TYW1B: variants seen among roughly 807,000 people sequenced by gnomAD.
TYW1B encodes the protein S-adenosyl-L-methionine-dependent tRNA 4-demethylwyosine synthase TYW1B.
In TYW1B, 73 loss-of-function variants were observed where a neutral mutation model predicts 86.9. The ratio of observed to expected loss-of-function variants is 0.84; its 90% confidence interval spans 0.70 to 1.02. TYW1B has a LOEUF of 1.02. TYW1B is among the 50% of genes least tolerant of loss of function. The probability of loss-of-function intolerance (pLI) is 0.00; values close to 1 mark genes in which losing one functional copy is unlikely to be tolerated. For synonymous variants in TYW1B, 248 were observed against 292.8 expected, an observed-to-expected ratio of 0.85 and a Z score of 1.56; for missense variants, 637 against 827.4, an observed-to-expected ratio of 0.77 and a Z score of 2.82.
chr7:72,700,999 G>C (rs1463842135), intron 10 of TYW1B, among the ~76,000 whole-genome samples: 4 of 152,008 alleles, frequency 2.6e-5, no homozygotes, highest in African/African-American at 9.7e-5. Flanking sequence ...GGGAGGCGGA[G>C]GTTGCAGTGA....
chr7:72,639,103 ACT>A (rs575088390), intron 11 of TYW1B, among the ~76,000 whole-genome samples: 34 of 152,268 alleles, frequency 2.2e-4, no homozygotes, highest in African/African-American at 7.7e-4. Context: ...TTTAGATATT[ACT>A]CTGAGAAAAA....
chr7:72,728,262 T>C (rs1411663950), intron 9 of TYW1B, among the ~76,000 whole-genome samples: 1 of 152,220 alleles, frequency 6.6e-6, no homozygotes, highest in Non-Finnish European at 1.5e-5. Context: ...CCCAGGTAAA[T>C]CTTTCAAGTT....
At chr7:72,779,823 T>G (rs1386332281) in intron 6 of TYW1B, among the ~76,000 whole-genome samples, 1 of 141,060 alleles carries the variant, frequency 7.1e-6, no homozygotes, top group African/African-American at 2.6e-5. Flanking sequence ...AGGACATCAG[T>G]GAAAAAAGTA....
chr7:72,651,094 A>G (rs1234033974), intron 11 of TYW1B, among the ~76,000 whole-genome samples: 1 of 152,234 alleles, frequency 6.6e-6, no homozygotes, highest in Non-Finnish European at 1.5e-5. Context: ...AAGGCTTACT[A>G]TAAAGCTATG....
chr7:72,658,202 G>C (rs1462458567), intron 11 of TYW1B, among the ~76,000 whole-genome samples: 5 of 151,910 alleles, frequency 3.3e-5, no homozygotes, highest in Non-Finnish European at 7.4e-5. Context: ...AGTAAGCTGA[G>C]ATCGCGCCAC....
chr7:72,674,033 C>T (rs1187241392), intron 11 of TYW1B, among the ~76,000 whole-genome samples: 1 of 152,162 alleles, frequency 6.6e-6, no homozygotes, highest in East Asian at 1.9e-4. Context: ...GTTCAATACC[C>T]ACCATTCCCT....
intron 11 of TYW1B, among the ~76,000 whole-genome samples, chr7:72,642,939 C>T (rs782079873): frequency 2.0e-4 from 31 of 152,082 alleles, no homozygotes; most frequent in Non-Finnish European, 2.6e-4. Context: ...CTATAACACG[C>T]GCTAACTTGG....
chr7:72,769,369 A>G (rs1787828450), intron 7 of TYW1B, among the ~76,000 whole-genome samples: 1 of 152,228 alleles, frequency 6.6e-6, no homozygotes, highest in Admixed American at 6.5e-5. Context: ...GTGAAAATGT[A>G]TATTTAACAC....
intron 10 of TYW1B, among the ~76,000 whole-genome samples, chr7:72,697,483 C>T (rs1563062814): frequency 6.6e-6 from 1 of 152,160 alleles, no homozygotes; most frequent in Non-Finnish European, 1.5e-5. Flanking sequence ...AGCAAAGAGA[C>T]TTTTGGAGAT....
chr7:72,763,282 C>CTTT (rs1328471948), intron 7 of TYW1B, among the ~76,000 whole-genome samples: 4 of 118,388 alleles, frequency 3.4e-5, no homozygotes, highest in Non-Finnish European at 4.9e-5. Flanking sequence ...CTTTTCTTTT[C>CTTT]TTTTTTTTTT....
chr7:72,786,205 G>C (rs1468274489), intron 6 of TYW1B, among the ~76,000 whole-genome samples: 4 of 152,060 alleles, frequency 2.6e-5, no homozygotes, highest in Non-Finnish European at 4.4e-5. Flanking sequence ...ATATCCCCTA[G>C]AAATTGAAAA....
intron 13 of TYW1B, among the ~76,000 whole-genome samples, chr7:72,606,323 A>G (rs535297125): frequency 5.9e-5 from 9 of 152,260 alleles, no homozygotes; most frequent in East Asian, 1.9e-4. Context: ...CCTCATTCCC[A>G]TCCGGTCAGC....
intron 13 of TYW1B, among the ~76,000 whole-genome samples, chr7:72,612,896 C>T (rs1811971298): frequency 6.6e-6 from 1 of 151,880 alleles, no homozygotes; most frequent in Non-Finnish European, 1.5e-5. Flanking sequence ...ACTACAGGTT[C>T]GTGCCATCAC....
At chr7:72,582,341 C>T (rs1811175294) in intron 13 of TYW1B, among the ~76,000 whole-genome samples, 1 of 152,074 alleles carries the variant, frequency 6.6e-6, no homozygotes, top group Non-Finnish European at 1.5e-5. Flanking sequence ...ATGAGAAAAA[C>T]ATGGTCATAC....
intron 11 of TYW1B, among the ~76,000 whole-genome samples, chr7:72,651,985 A>G (rs2129569226): frequency 6.6e-6 from 1 of 152,128 alleles, no homozygotes; most frequent in Non-Finnish European, 1.5e-5. Context: ...TGGTGCAATC[A>G]CAGCTCACTG....
At chr7:72,679,368 C>T (rs1254567668) in intron 11 of TYW1B, among the ~76,000 whole-genome samples, 1 of 152,160 alleles carries the variant, frequency 6.6e-6, no homozygotes, top group Non-Finnish European at 1.5e-5. Context: ...GTGAAACAAT[C>T]CAAATGCCCA....
chr7:72,734,982 G>A (rs1257939446), intron 8 of TYW1B, among the ~76,000 whole-genome samples: 2 of 152,230 alleles, frequency 1.3e-5, no homozygotes, highest in African/African-American at 2.4e-5. Context: ...TGGAGAAAGG[G>A]AACTCTTATA....
At chr7:72,821,098 A>G (rs1218941855) in intron 2 of TYW1B, among the ~76,000 whole-genome samples, 2 of 151,982 alleles carry the variant, frequency 1.3e-5, no homozygotes, top group Non-Finnish European at 2.9e-5. Flanking sequence ...TTAGCCTCCC[A>G]TGTAGCTGGG....
At chr7:72,684,882 A>C (rs1813968477) in intron 11 of TYW1B, among the ~76,000 whole-genome samples, 1 of 152,092 alleles carries the variant, frequency 6.6e-6, no homozygotes. Flanking sequence ...AGGCCGAGGA[A>C]GGCGGATCAC....
Sources: allele counts gnomAD v4.1 joint callset (sites outside exome capture counted in the v4.1 genomes callset), GRCh38; gene constraint gnomAD v4.1.1; transcripts MANE v1.5; gene names NCBI Gene and HGNC (gene_info 2026-07-23, HGNC 2026-07-21).